Variants in LAMA5 observed in about 807,000 individuals in gnomAD.
LAMA5 encodes the protein laminin subunit alpha-5.
Under a neutral mutation model 433.4 loss-of-function variants are expected in LAMA5, and 260 were observed. That is an observed-to-expected ratio of 0.60 (90% CI 0.54 to 0.66). LAMA5 has a LOEUF of 0.66. LAMA5 is among the 30% of genes least tolerant of loss of function. The pLI, the probability that LAMA5 is intolerant of heterozygous loss-of-function variation, is 0.00. For synonymous variants in LAMA5, 2,620 were observed against 2,226.6 expected (o/e 1.18, Z -4.97); for missense variants, 5,378 against 5,258.5 (o/e 1.02, Z -0.70).
At position 62,333,946 on chromosome 20, in the gene LAMA5, G is replaced by A. The variant is rs374018115; in HGVS notation, c.2833C>T (p.Arg945Trp). The A allele has an allele frequency of 1.6e-5, 26 of 1,612,140 alleles. No homozygotes were observed. In the East Asian group the frequency reaches 1.8e-4, roughly 11 times the overall value. ...CTGCCCTCCTCTCGCACAGAGACCC[G>A]CCCGCTCACACTCATGGCCCCCCGG... Reference protein sequence around the residue: ...VNRGAMSVSGRVSVREEGRSA... With the variant: ...VNRGAMSVSGWVSVREEGRSA... The change falls in exon 23 of 80, where the codon CGG becomes TGG. Residue 945 changes from arginine to tryptophan, a missense_variant. Coordinates refer to ENST00000252999, the MANE Select transcript of LAMA5 (RefSeq NM_005560.6).
intron 1 of LAMA5, among the ~76,000 whole-genome samples, chr20:62,363,141 C>G (rs1741635): frequency 0.78 from 118,631 of 152,130 alleles, 46,454 homozygotes; most frequent in East Asian, 0.9. Flanking sequence ...GCCAGACCCC[C>G]CCCCACCTCC....
At position 62,314,594 on chromosome 20, in the gene LAMA5, A is replaced by C; in HGVS notation, c.8328T>G (p.Gly2776=). ...TGTACATCACAAAGCGATCCTCGGT[A>C]CCCTGCCCAGGCTCAGGCTCTGGGC... ...LQGPEPEPGQ[G]TEDRFVMYMG... The change falls in exon 61 of 80, where the codon GGT becomes GGG. Residue 2776 remains glycine, a synonymous_variant. Coordinates refer to ENST00000252999, the MANE Select transcript of LAMA5 (RefSeq NM_005560.6). 1 of 1,612,102 alleles carries C rather than the reference A, an allele frequency of 6.2e-7. No individual in the cohort carries two copies. Among genetic ancestry groups the C allele is most frequent in the Non-Finnish European group, 8.5e-7 (1 of 1,179,734 alleles).
At chr20:62,313,491 G>T (rs1232476562) in intron 63 of LAMA5, 31 bp from the exon 64 acceptor site, 1 of 1,572,924 alleles carries the variant, frequency 6.4e-7, no homozygotes, top group East Asian at 2.3e-5. Context: ...CAGGGCACCT[G>T]GCCTGAGGCG....
chr20:62,352,189 A>AC, intron 4 of LAMA5, 53 bp downstream of exon 4: 1 of 1,547,882 alleles, frequency 6.5e-7, no homozygotes, highest in Admixed American at 1.8e-5. Flanking sequence ...CCCCTCCCCT[A>AC]CCCACCTCTC....
In LAMA5 at chr20:62,314,466, G is replaced by A. The variant is rs376635485; in HGVS notation, c.8368-26C>T. ...CTGCGGCAGTGACAGACACACAGTC[G>A]GGATGGGGACCGGGGACCAGGGACC... On this transcript the variant is annotated intron_variant, in intron 61 of 79. Coordinates refer to ENST00000252999, the MANE Select transcript of LAMA5 (RefSeq NM_005560.6). 35 of 1,612,542 alleles carry A rather than the reference G, an allele frequency of 2.2e-5. No homozygotes were observed. In the East Asian group the frequency reaches 2.2e-4, roughly 10 times the overall value.
Position 62,359,084 on chromosome 20 carries a change from G to A in LAMA5, c.450+3316C>T, listed in dbSNP as rs891643834. Among the ~76,000 whole-genome samples, 8 of 152,246 alleles carry A rather than the reference G, an allele frequency of 5.3e-5. No individual in the cohort carries two copies. The highest frequency in any genetic ancestry group is 1.9e-4 in the East Asian group (1 of 5,174). On this transcript the variant is annotated intron_variant, in intron 2 of 79. Coordinates refer to ENST00000252999, the MANE Select transcript of LAMA5 (RefSeq NM_005560.6). The surrounding 1 kb of genome is among the most constrained non-coding windows in gnomAD (Gnocchi z 4.3). ...TTTGCCCTGCAGCTCTGGGCCTCGG[G>A]GACTGGGACAAAGCCGCTACCCCAC...
chr20:62,345,083 T>C lies in LAMA5; in HGVS notation c.1477+735A>G, dbSNP rs551127973. On this transcript the variant is annotated intron_variant, in intron 11 of 79. Coordinates refer to ENST00000252999, the MANE Select transcript of LAMA5 (RefSeq NM_005560.6). ...CCCAGGCGGGGGTGCAGTGGTGCAA[T>C]CTCGGCTCACAGCAAGCTCCGCCTC... Among the ~76,000 whole-genome samples the C allele has an allele frequency of 2.6e-5, 4 of 152,178 alleles. No homozygotes were observed. In the South Asian group the frequency reaches 8.3e-4, roughly 32 times the overall value.
chr20:62,332,561 AC>A lies in LAMA5; in HGVS notation c.3438del (p.Tyr1147ThrfsTer27). On this transcript the variant is annotated frameshift_variant, in exon 27 of 80. Coordinates refer to ENST00000252999, the MANE Select transcript of LAMA5 (RefSeq NM_005560.6). LOFTEE classifies it high-confidence loss of function. The part of the protein sequence containing the change: ...QQGLLSLHPC[L>X]YSTLCRGTAR... ...GCCCCACCGGCTCCCACTCACCTGT[AC>A]AGGCAGGGGTGCAGGGAGAGCAGCC... is the stretch of plus-strand genomic sequence containing the variant. The A allele has an allele frequency of 6.3e-7, 1 of 1,598,490 alleles. No individual in the cohort carries two copies. The highest frequency in any genetic ancestry group is 8.5e-7 in the Non-Finnish European group (1 of 1,170,516).
At chr20:62,317,524 C>G in intron 54 of LAMA5, 25 bp from the exon 55 acceptor site, 1 of 1,531,142 alleles carries the variant, frequency 6.5e-7, no homozygotes, top group Non-Finnish European at 8.8e-7. Context: ...GACTTAGCCC[C>G]TCATCCTGCT....
intron 11 of LAMA5, among the ~76,000 whole-genome samples, chr20:62,343,773 T>TAAAAAAAAA (rs1982945559): frequency 1.5e-4 from 1 of 6,884 alleles, no homozygotes. Context: ...TGAAACTCCA[T>TAAAAAAAAA]CAAAAAAAAA....
chr20:62,320,881 T>A lies in LAMA5; in HGVS notation c.6506A>T (p.His2169Leu). 6.2e-7 allele frequency: 1 copy of A among 1,608,392 alleles called. No homozygotes were observed. The change falls in exon 49 of 80, where the codon CAC becomes CTC. Residue 2169 changes from histidine (H) to leucine (L), a missense_variant. Physicochemically the swap from His to Leu is moderately conservative, Grantham distance 99. Coordinates refer to ENST00000252999, the MANE Select transcript of LAMA5 (RefSeq NM_005560.6). ...GTCATCCAGGAGCAGGACCACACAG[T>A]GGTCACACACTGCAGGCGATGTGGG... Reference protein sequence around the residue: ...GHSIHCEVCDHCVVLLLDDLE... With the variant: ...GHSIHCEVCDLCVVLLLDDLE...
chr20:62,341,351 G>T (rs186783270), intron 11 of LAMA5, among the ~76,000 whole-genome samples: 1 of 152,264 alleles, frequency 6.6e-6, no homozygotes, highest in Non-Finnish European at 1.5e-5. Flanking sequence ...CTAGCCAAAG[G>T]TATACTCTGA....
chr20:62,331,412 T>C (rs1464276625), intron 28 of LAMA5, among the ~76,000 whole-genome samples: 2 of 152,000 alleles, frequency 1.3e-5, no homozygotes, highest in Non-Finnish European at 2.9e-5. Context: ...CAAGATGCCC[T>C]TGCTCCTCCT....
chr20:62,312,592 A>G, intron 67 of LAMA5, 40 bp downstream of exon 67: 1 of 1,600,264 alleles, frequency 6.2e-7, no homozygotes, highest in Non-Finnish European at 8.5e-7. Flanking sequence ...TACCGCCCCA[A>G]CAGCCTGGCC....
At chr20:62,361,606 G>A (rs1351341421) in intron 2 of LAMA5, among the ~76,000 whole-genome samples, 1 of 152,220 alleles carries the variant, frequency 6.6e-6, no homozygotes, top group East Asian at 1.9e-4. Flanking sequence ...GAGCCGGCTG[G>A]GATGCAGGCC....
rs751541725 is a variant in LAMA5, at chr20:62,335,200, T to G, written c.2376+17A>C. ...AGTGTGCCCCCAAATCCCCCACACCTTGGTCCTCAGACTCACCGGCTGGCA... is the reference window on the plus strand; with the variant it reads ...AGTGTGCCCCCAAATCCCCCACACCGTGGTCCTCAGACTCACCGGCTGGCA... On this transcript the variant is annotated intron_variant, in intron 19 of 79. Transcript: ENST00000252999. The G allele has an allele frequency of 4.3e-6, 7 of 1,612,460 alleles. No individual in the cohort carries two copies. The highest frequency in any genetic ancestry group is 2.7e-5 in the African/African-American group (2 of 74,738).
chr20:62,318,331 A>AGGGGAGGACGGAGGGGGGGAGGACGG (rs1319817629), intron 53 of LAMA5, 123 bp downstream of exon 53: 1 of 246,324 alleles, frequency 4.1e-6, no homozygotes, highest in Non-Finnish European at 7.1e-6. Context: ...GGGGAGGACG[A>AGGGGAGGACGGAGGGGGGGAGGACGG]GGGAGGGGAG....
intron 63 of LAMA5, 89 bp from the exon 64 acceptor site, chr20:62,313,549 G>T (rs1009818851): frequency 2.9e-5 from 45 of 1,564,346 alleles, no homozygotes; most frequent in Non-Finnish European, 3.8e-5. Context: ...CAGCAGGACG[G>T]ACTGAGGCAA....
intron 26 of LAMA5, 40 bp from the exon 27 acceptor site, chr20:62,332,757 C>T (rs143451047): frequency 9.4e-6 from 15 of 1,597,368 alleles, no homozygotes; most frequent in East Asian, 4.5e-5. Context: ...CGCCACCCCT[C>T]GCCCTTCCCA....
Sources: gnomAD v4.1 joint callset for allele counts (sites outside exome capture counted in the v4.1 genomes callset) on GRCh38, gnomAD v4.1.1 for gene constraint, Gnocchi (gnomAD v3.1) non-coding constraint, MANE v1.5 for transcripts, NCBI Gene and HGNC (gene_info 2026-07-23, HGNC 2026-07-21) for gene names.